Variants in EPHA6 observed in about 807,000 individuals in gnomAD.
EPHA6 encodes ephrin type-A receptor 6.
EPHA6 carries 50 observed loss-of-function variants against 112.0 expected under a neutral mutation model. The ratio of observed to expected loss-of-function variants is 0.45; its 90% confidence interval spans 0.36 to 0.56. EPHA6 has a LOEUF of 0.56. EPHA6 is among the 20% of genes least tolerant of loss of function. The pLI is 0.00. For missense variants in EPHA6, 1,280 were observed against 1,417.4 expected, an observed-to-expected ratio of 0.90 and a Z score of 1.56; for synonymous variants, 529 against 490.7, an observed-to-expected ratio of 1.08 and a Z score of -1.03.
At chr3:97,607,088 A>G (rs2093685283) in intron 12 of EPHA6, among the ~76,000 whole-genome samples, 1 of 150,722 alleles carries the variant, frequency 6.6e-6, no homozygotes. Context: ...AAATTGCCAA[A>G]CTAATAGAGA....
intron 2 of EPHA6, among the ~76,000 whole-genome samples, chr3:96,920,611 A>T (rs1006151315): frequency 6.6e-6 from 1 of 151,918 alleles, no homozygotes; most frequent in Non-Finnish European, 1.5e-5. Context: ...TTCATCACTT[A>T]ATTACCCGTA....
intron 1 of EPHA6, among the ~76,000 whole-genome samples, chr3:96,844,154 T>G (rs2034929266): frequency 6.6e-6 from 1 of 151,954 alleles, no homozygotes; most frequent in Non-Finnish European, 1.5e-5. Context: ...AGTTCTGGTG[T>G]TAGGTTCATC....
chr3:97,327,178 A>C (rs1307179080), intron 5 of EPHA6, among the ~76,000 whole-genome samples: 1 of 152,108 alleles, frequency 6.6e-6, no homozygotes, highest in Non-Finnish European at 1.5e-5. Context: ...AAATTACATT[A>C]TGAAATATAA....
intron 2 of EPHA6, among the ~76,000 whole-genome samples, chr3:96,898,420 C>T (rs1005704502): frequency 1.4e-4 from 21 of 152,126 alleles, no homozygotes; most frequent in African/African-American, 4.6e-4. Context: ...ACGACCTCAG[C>T]AATACCTTCC....
intron 13 of EPHA6, among the ~76,000 whole-genome samples, chr3:97,622,955 A>AT (rs113591597): frequency 0.31 from 46,653 of 150,386 alleles, 10,250 homozygotes; most frequent in African/African-American, 0.59. Context: ...AGGTTGCTTG[A>AT]TTTTTTTTTG....
rs2030269155 is a variant in EPHA6 at position 97,667,482 on chromosome 3, AG to A, written c.2784+29403del. Among the ~76,000 whole-genome samples, 3 of 152,228 alleles carry A rather than the reference AG, an allele frequency of 2.0e-5. No homozygotes were observed. The South Asian group carries it at 6.2e-4, about 32-fold the overall frequency. Reference sequence around the variant, plus strand: ...AGATATTTTTACCATTCAGCATGGAAGGGTGTTTGGTTCCACATTAGGAATT... The same window carrying A: ...AGATATTTTTACCATTCAGCATGGAAGGTGTTTGGTTCCACATTAGGAATT... On this transcript the variant is annotated intron_variant, in intron 14 of 17. Transcript: ENST00000389672.
At chr3:97,639,464 G>C (rs2093981972) in intron 14 of EPHA6, among the ~76,000 whole-genome samples, 1 of 151,924 alleles carries the variant, frequency 6.6e-6, no homozygotes, top group African/African-American at 2.4e-5. Flanking sequence ...GAAGAATAAT[G>C]TTGAAAAGTG....
Position 97,244,294 on chromosome 3 carries a change from T to C in EPHA6, c.1606+7T>C. The C allele has an allele frequency of 6.2e-7, 1 of 1,611,268 alleles. No individual in the cohort carries two copies. The highest frequency in any genetic ancestry group is 8.5e-7 in the Non-Finnish European group (1 of 1,177,874). ...GTGACCACGGATCAAGATGGTAAGT[T>C]CCACTGCTGTTCTCTCAAAACAGAC... is the stretch of plus-strand genomic sequence containing the variant. On this transcript the variant is annotated splice_region_variant and intron_variant, in intron 5 of 17. Coordinates refer to ENST00000389672, the MANE Select transcript of EPHA6 (RefSeq NM_001080448.3).
intron 2 of EPHA6, among the ~76,000 whole-genome samples, chr3:96,874,780 A>G (rs567306598): frequency 2.0e-5 from 3 of 152,102 alleles, no homozygotes; most frequent in Admixed American, 6.6e-5. Context: ...TAGGATTTCT[A>G]TGTTAAGAGT....
intron 13 of EPHA6, among the ~76,000 whole-genome samples, 193 bp from the exon 14 acceptor site, chr3:97,637,680 C>T (rs930977417): frequency 2.0e-5 from 3 of 152,138 alleles, no homozygotes; most frequent in African/African-American, 4.8e-5. Context: ...TTCACTACTT[C>T]CAGTTAAATT....
rs151323808 is a variant in EPHA6 at position 97,500,486 on chromosome 3, G to A, written c.2200+16427G>A. ...GGGCAGGTGCTACATACTTGTAAAC[G>A]ACCAGATCTCGCTATTATGAGAACA... On this transcript the variant is annotated intron_variant, in intron 10 of 17. Coordinates refer to ENST00000389672, the MANE Select transcript of EPHA6 (RefSeq NM_001080448.3). Among the ~76,000 whole-genome samples the A allele has an allele frequency of 6.5e-3, 994 of 152,058 alleles. 12 individuals carry two copies. The highest frequency in any genetic ancestry group is 0.022 in the African/African-American group (916 of 41,472).
intron 5 of EPHA6, among the ~76,000 whole-genome samples, chr3:97,359,915 T>G (rs2084283862): frequency 1.3e-5 from 2 of 152,220 alleles, no homozygotes; most frequent in East Asian, 3.8e-4. Context: ...CTTTCTCTTT[T>G]GTGCTTTTCA....
At chr3:96,871,286 T>G (rs1466154201) in intron 2 of EPHA6, among the ~76,000 whole-genome samples, 1 of 152,024 alleles carries the variant, frequency 6.6e-6, no homozygotes, top group Non-Finnish European at 1.5e-5. Flanking sequence ...GGAAAGGACT[T>G]GATAATAGTA....
At chr3:97,680,730 A>G (rs1471907225) in intron 14 of EPHA6, among the ~76,000 whole-genome samples, 1 of 152,160 alleles carries the variant, frequency 6.6e-6, no homozygotes, top group Admixed American at 6.6e-5. Context: ...TGGCACAAAC[A>G]TTTTTTAAAT....
At chr3:97,295,862 TG>T (rs2080857979) in intron 5 of EPHA6, among the ~76,000 whole-genome samples, 1 of 152,180 alleles carries the variant, frequency 6.6e-6, no homozygotes, top group Non-Finnish European at 1.5e-5. Flanking sequence ...GGTGAGGTTT[TG>T]CTGGGGATGG....
chr3:97,399,781 TTTG>T (rs1468371871), intron 5 of EPHA6, among the ~76,000 whole-genome samples: 1 of 151,760 alleles, frequency 6.6e-6, no homozygotes, highest in Non-Finnish European at 1.5e-5. Flanking sequence ...AATAGGATTA[TTTG>T]TTTTTTGTTG....
chr3:97,445,409 CCA>C (rs2090306513), intron 6 of EPHA6, among the ~76,000 whole-genome samples: 1 of 152,066 alleles, frequency 6.6e-6, no homozygotes, highest in Non-Finnish European at 1.5e-5. Flanking sequence ...ATGTCTTAAT[CCA>C]CAAAAATGTG....
chr3:97,438,125 T>G (rs1247059246), intron 6 of EPHA6, among the ~76,000 whole-genome samples: 1 of 152,180 alleles, frequency 6.6e-6, no homozygotes, highest in African/African-American at 2.4e-5. Context: ...CTTTAAACAC[T>G]TAATTTTTAG....
intron 1 of EPHA6, among the ~76,000 whole-genome samples, chr3:96,830,973 A>G (rs1474483228): frequency 6.6e-6 from 1 of 151,970 alleles, no homozygotes; most frequent in Non-Finnish European, 1.5e-5. Flanking sequence ...TCCATTTTAT[A>G]TGTATATATA....
Sources: gnomAD v4.1 joint callset for allele counts (sites outside exome capture counted in the v4.1 genomes callset) on GRCh38, gnomAD v4.1.1 for gene constraint, MANE v1.5 for transcripts, NCBI Gene and HGNC (gene_info 2026-07-23, HGNC 2026-07-21) for gene names.